Variants in HSD17B4 observed in about 807,000 individuals in gnomAD.
HSD17B4 encodes the protein hydroxysteroid 17-beta dehydrogenase 4.
A neutral mutation model predicts 101.0 loss-of-function variants in HSD17B4; 70 were observed. The observed-to-expected ratio is 0.69, with a 90% CI of 0.57 to 0.85. The LOEUF is 0.85. Ranked by LOEUF, HSD17B4 falls within the 40% of genes least tolerant of loss-of-function variation. HSD17B4 has a pLI of 0.00. For missense variants in HSD17B4, 984 were observed against 892.4 expected, an observed-to-expected ratio of 1.10 and a Z score of -1.31; for synonymous variants, 347 against 297.1, an observed-to-expected ratio of 1.17 and a Z score of -1.73.
At chr5:119,520,168 A>T (rs1752986871) in intron 17 of HSD17B4, among the ~76,000 whole-genome samples, 1 of 151,558 alleles carries the variant, frequency 6.6e-6, no homozygotes, top group Non-Finnish European at 1.5e-5. Context: ...TTTTTTTTTA[A>T]ACAATGATTT....
At chr5:119,468,742 T>C (rs937870541) in intron 2 of HSD17B4, among the ~76,000 whole-genome samples, 1 of 152,064 alleles carries the variant, frequency 6.6e-6, no homozygotes, top group South Asian at 2.1e-4. Context: ...TGTAAAAATT[T>C]GTTTACTTAA....
intron 14 of HSD17B4, among the ~76,000 whole-genome samples, chr5:119,505,395 A>G (rs1751553366): frequency 6.6e-6 from 1 of 151,924 alleles, no homozygotes; most frequent in Non-Finnish European, 1.5e-5. Context: ...TGTTTTTTCC[A>G]TTTGTTTGTG....
chr5:119,476,543 A>G, intron 6 of HSD17B4: 1 of 984,636 alleles, frequency 1.0e-6, no homozygotes, highest in Admixed American at 6.1e-5. Context: ...TTTTGGGGGA[A>G]TAGTGCCTGA....
chr5:119,510,037 A>G (rs1354907377), intron 16 of HSD17B4, among the ~76,000 whole-genome samples: 1 of 152,226 alleles, frequency 6.6e-6, no homozygotes, highest in Admixed American at 6.5e-5. Flanking sequence ...GGTCAACTGT[A>G]TATTGATCTT....
intron 23 of HSD17B4, among the ~76,000 whole-genome samples, chr5:119,541,636 A>G (rs1172797511): frequency 6.6e-6 from 1 of 152,240 alleles, no homozygotes; most frequent in African/African-American, 2.4e-5. Flanking sequence ...CCAGAAACGT[A>G]GGTTGAAACA....
Position 119,499,507 on chromosome 5 carries a change from G to T in HSD17B4, c.1163G>T (p.Gly388Val), listed in dbSNP as rs1366620030. The T allele has an allele frequency of 1.2e-6, 2 of 1,613,568 alleles. No homozygotes were observed. Among genetic ancestry groups the T allele is most frequent in the Non-Finnish European group, 1.7e-6 (2 of 1,179,566 alleles). ...GVIIGQKSMM[G>V]GGLAEIPGLS... The stretch of plus-strand genomic sequence containing the variant: ...ATCATAGGTCAGAAATCTATGATGG[G>T]TGGAGGATTAGCAGAAATTCCTGGA... Residue 388 changes from glycine to valine, a missense_variant, in exon 13 of 24, where the codon GGT (glycine) becomes GTT (valine). Coordinates refer to ENST00000510025, the MANE Select transcript of HSD17B4 (RefSeq NM_000414.4).
rs376082058 is a variant in HSD17B4, at chr5:119,486,427, C to T, written c.623-2765C>T. ...ACCTTTTTACCTCACCCCATTTCTT[C>T]CCCCAGGAGGTAATCACTTAAAGAG... On this transcript the variant is annotated intron_variant, in intron 8 of 23. Transcript: ENST00000510025. Among the ~76,000 whole-genome samples the T allele has an allele frequency of 8.5e-5, 13 of 152,220 alleles. No homozygotes were observed. In the East Asian group the frequency reaches 1.3e-3, roughly 16 times the overall value.
chr5:119,496,703 T>C, intron 12 of HSD17B4, 57 bp downstream of exon 12: 1 of 896,592 alleles, frequency 1.1e-6, no homozygotes, highest in East Asian at 2.4e-5. Flanking sequence ...CCCTCCCTTC[T>C]TCCCTCCCTG....
chr5:119,506,039 T>A (rs1338106311), intron 14 of HSD17B4, among the ~76,000 whole-genome samples: 1 of 152,224 alleles, frequency 6.6e-6, no homozygotes, highest in Non-Finnish European at 1.5e-5. Context: ...TATTATACTT[T>A]AAGTTCTGGG....
chr5:119,454,570 A>G (rs1423951881), intron 1 of HSD17B4, among the ~76,000 whole-genome samples: 2 of 151,640 alleles, frequency 1.3e-5, no homozygotes, highest in African/African-American at 4.8e-5. Flanking sequence ...TTAAATTCTA[A>G]AATAAGTTAT....
chr5:119,485,546 C>T (rs1047302071), intron 8 of HSD17B4, among the ~76,000 whole-genome samples: 1 of 151,834 alleles, frequency 6.6e-6, no homozygotes, highest in Non-Finnish European at 1.5e-5. Flanking sequence ...CTGCTTTTTT[C>T]TTACTCTTTT....
At position 119,481,478 on chromosome 5, in the gene HSD17B4, G is replaced by A. The variant is rs1580570406; in HGVS notation, c.622+2457G>A. Among the ~76,000 whole-genome samples the A allele has an allele frequency of 2.0e-5, 3 of 152,116 alleles. No individual in the cohort carries two copies. The South Asian group carries it at 6.2e-4, about 32-fold the overall frequency. On this transcript the variant is annotated intron_variant, in intron 8 of 23. Coordinates refer to ENST00000510025, the MANE Select transcript of HSD17B4 (RefSeq NM_000414.4). ...AATACAGGCATATCTTGGAGATGTT[G>A]CAGGTTTGATTGTAGATCACCACAA...
At chr5:119,457,025 C>G (rs768435218) in intron 2 of HSD17B4, among the ~76,000 whole-genome samples, 3 of 152,138 alleles carry the variant, frequency 2.0e-5, no homozygotes, top group African/African-American at 7.2e-5. Context: ...GGGGCAGTTA[C>G]ATGAGTTTTT....
intron 1 of HSD17B4, 112 bp downstream of exon 1, chr5:119,452,745 G>A (rs913096513): frequency 6.3e-7 from 1 of 1,594,422 alleles, no homozygotes; most frequent in East Asian, 2.3e-5. Context: ...TGAGGTGGTG[G>A]GGAGGGGAAT....
At chr5:119,504,318 A>G (rs1423787941) in intron 14 of HSD17B4, among the ~76,000 whole-genome samples, 1 of 152,180 alleles carries the variant, frequency 6.6e-6, no homozygotes, top group East Asian at 1.9e-4. Context: ...TGCTGGGTCA[A>G]ATGGTAGTTC....
intron 4 of HSD17B4, among the ~76,000 whole-genome samples, chr5:119,475,185 T>C (rs1426595542): frequency 6.6e-6 from 1 of 152,102 alleles, no homozygotes; most frequent in Admixed American, 6.6e-5. Flanking sequence ...TGTGAAATCA[T>C]AGGGTGAAAA....
rs1011226436 is a variant in HSD17B4, at chr5:119,480,703, T to C, written c.622+1682T>C. On this transcript the variant is annotated intron_variant, in intron 8 of 23. Transcript: ENST00000510025. ...ACCGGTCTGACCAAAATTTATTAGG[T>C]GGGAATTTCCTCTTCCTAATAAGCC... 2.6e-5 allele frequency among the ~76,000 whole-genome samples: 4 copies of C among 152,216 alleles called. No homozygotes were observed. In the East Asian group the frequency reaches 7.7e-4, roughly 29 times the overall value.
chr5:119,460,338 T>G (rs894046550), intron 2 of HSD17B4, among the ~76,000 whole-genome samples: 2 of 152,162 alleles, frequency 1.3e-5, no homozygotes, highest in Admixed American at 6.5e-5. Flanking sequence ...ATTGAATAAG[T>G]GAAACTGATA....
chr5:119,530,858 AAAAAACAAAAAAC>A lies in HSD17B4; in HGVS notation c.1855-402_1855-390del, dbSNP rs1426397792. Among the ~76,000 whole-genome samples the A allele has an allele frequency of 6.7e-5, 9 of 134,484 alleles. No homozygotes were observed. In the East Asian group the frequency reaches 2.1e-3, roughly 31 times the overall value. The allele number at this position is 134,484 out of a possible 152,430, so 88.2% of individuals were successfully genotyped here. A position where few individuals can be genotyped will look rare whatever the true frequency, so the allele number is the denominator to read the frequency against. On this transcript the variant is annotated intron_variant, in intron 21 of 23. Transcript: ENST00000510025. Reference sequence around the variant, plus strand: ...ACAAGTCTGTCTCAAAAAAAAAAAAAAAAAACAAAAAACAAAAAAAACCCAAAACTTAAGTTTT... The same window carrying A: ...ACAAGTCTGTCTCAAAAAAAAAAAAAAAAAAAAACCCAAAACTTAAGTTTT...
Sources: allele counts gnomAD v4.1 joint callset (sites outside exome capture counted in the v4.1 genomes callset), GRCh38; gene constraint gnomAD v4.1.1; transcripts MANE v1.5; gene names NCBI Gene and HGNC (gene_info 2026-07-23, HGNC 2026-07-21).